Variants in PTPRD observed in about 807,000 individuals in gnomAD.
The protein encoded by PTPRD is protein tyrosine phosphatase receptor type D, also known as receptor-type tyrosine-protein phosphatase delta.
In PTPRD, 34 loss-of-function variants were observed where a neutral mutation model predicts 214.5. That is an observed-to-expected ratio of 0.16 (90% CI 0.12 to 0.21). PTPRD has a LOEUF of 0.21. PTPRD is among the 10% of genes least tolerant of loss of function. The pLI, the probability that PTPRD is intolerant of heterozygous loss-of-function variation, is 1.00. For synonymous variants in PTPRD, 1,128 were observed against 845.7 expected (o/e 1.33, Z -5.79); for missense variants, 2,545 against 2,398.7 (o/e 1.06, Z -1.27).
chr9:8,628,910 A>T (rs538885404), intron 14 of PTPRD, among the ~76,000 whole-genome samples: 1 of 151,994 alleles, frequency 6.6e-6, no homozygotes, highest in Non-Finnish European at 1.5e-5. Context: ...GATATGTTCT[A>T]TGAACAAAGC....
intron 3 of PTPRD, among the ~76,000 whole-genome samples, chr9:10,304,314 T>C (rs1291137058): frequency 6.6e-6 from 1 of 152,098 alleles, no homozygotes; most frequent in Non-Finnish European, 1.5e-5. Context: ...TCATACAGAA[T>C]GGGGAAAAAC....
chr9:8,976,150 T>A (rs1294090275), intron 11 of PTPRD, among the ~76,000 whole-genome samples: 1 of 152,098 alleles, frequency 6.6e-6, no homozygotes, highest in Non-Finnish European at 1.5e-5. Flanking sequence ...TCCCTTCTTT[T>A]TCTGCACCCT....
In PTPRD at chr9:8,895,865, T is replaced by C. The variant is rs561231706; in HGVS notation, c.-104+122832A>G. ...ATACATTTCACATTAAAGTTGGGCA[T>C]TTCTCTTCAGAGAGAAGTTGAGCCG... On this transcript the variant is annotated intron_variant, in intron 11 of 45. Transcript: ENST00000381196. Among the ~76,000 whole-genome samples, 3 of 152,332 alleles carry C rather than the reference T, an allele frequency of 2.0e-5. No individual in the cohort carries two copies. In the South Asian group the frequency reaches 6.2e-4, roughly 32 times the overall value.
At chr9:10,541,020 T>C (rs1263116822) in intron 2 of PTPRD, among the ~76,000 whole-genome samples, 1 of 152,038 alleles carries the variant, frequency 6.6e-6, no homozygotes. Flanking sequence ...TTGAATCAAG[T>C]AAAAAAAGAA....
At chr9:9,631,192 C>CATAAATAAATAAATAA (rs140642091) in intron 7 of PTPRD, among the ~76,000 whole-genome samples, 34 of 139,560 alleles carry the variant, frequency 2.4e-4, no homozygotes, top group African/African-American at 8.4e-4. Context: ...GTATCTCATT[C>CATAAATAAATAAATAA]ATAAATAAAT....
At position 9,235,636 on chromosome 9, in the gene PTPRD, C is replaced by G. The variant is rs149665387; in HGVS notation, c.-202-52273G>C. On this transcript the variant is annotated intron_variant, in intron 9 of 45. Transcript: ENST00000381196. ...TAAGGGACACCTGAGACACCTGACT[C>G]ACTTTGGAACATACTGGTGTTATTC... Among the ~76,000 whole-genome samples the G allele has an allele frequency of 4.6e-3, 705 of 152,248 alleles. 3 individuals are homozygous for G. Among genetic ancestry groups the G allele is most frequent in the South Asian group, 5.6e-3 (27 of 4,820 alleles).
At chr9:10,548,844 C>A (rs2130981429) in intron 2 of PTPRD, among the ~76,000 whole-genome samples, 1 of 152,272 alleles carries the variant, frequency 6.6e-6, no homozygotes, top group South Asian at 2.1e-4. Flanking sequence ...GGGAAAGAAG[C>A]ACAGTATCTC....
chr9:8,467,665 C>A (rs186645462), intron 31 of PTPRD, among the ~76,000 whole-genome samples: 1 of 151,784 alleles, frequency 6.6e-6, no homozygotes, highest in East Asian at 1.9e-4. Flanking sequence ...TGTTTAAGCT[C>A]TGATACTCTA....
At chr9:9,234,264 T>C (rs4389999) in intron 9 of PTPRD, among the ~76,000 whole-genome samples, 17,423 of 152,226 alleles carry the variant, frequency 0.11, 1,248 homozygotes, top group Non-Finnish European at 0.15. Context: ...TCCCATGCTA[T>C]ACCTTGGCCC....
Position 8,352,610 on chromosome 9 carries a change from A to T in PTPRD, c.4662-10632T>A, listed in dbSNP as rs147407600. 2.4e-3 allele frequency among the ~76,000 whole-genome samples: 362 copies of T among 152,316 alleles called. 5 individuals are homozygous for T. Among genetic ancestry groups the T allele is most frequent in the Non-Finnish European group, 6.6e-4 (45 of 68,030 alleles). On this transcript the variant is annotated intron_variant, in intron 39 of 45. Transcript: ENST00000381196. The stretch of plus-strand genomic sequence containing the variant: ...ACAACGTGTGCAACCTGCTCAGTCC[A>T]CACAGCAGGCTTGTCATTAGAAATA...
At chr9:9,612,431 A>G (rs1183147864) in intron 7 of PTPRD, among the ~76,000 whole-genome samples, 1 of 152,194 alleles carries the variant, frequency 6.6e-6, no homozygotes, top group Admixed American at 6.5e-5. Flanking sequence ...CAACTGTGAT[A>G]GGCTCCATCT....
At chr9:9,716,460 A>G (rs949101278) in intron 7 of PTPRD, among the ~76,000 whole-genome samples, 4 of 151,986 alleles carry the variant, frequency 2.6e-5, no homozygotes, top group Non-Finnish European at 5.9e-5. Flanking sequence ...ACTAGTTTAC[A>G]GTCCCACCAA....
At chr9:9,334,327 G>C (rs2043554105) in intron 9 of PTPRD, among the ~76,000 whole-genome samples, 1 of 151,952 alleles carries the variant, frequency 6.6e-6, no homozygotes, top group African/African-American at 2.4e-5. Flanking sequence ...TTTATGTCTA[G>C]GTGAAAGTGA....
intron 8 of PTPRD, among the ~76,000 whole-genome samples, chr9:9,545,068 A>G (rs1296740304): frequency 1.3e-5 from 2 of 151,738 alleles, no homozygotes; most frequent in Non-Finnish European, 3.0e-5. Context: ...CCACATATGG[A>G]TAAGGTTGCC....
chr9:10,129,619 T>G (rs1215385976), intron 3 of PTPRD, among the ~76,000 whole-genome samples: 1 of 151,752 alleles, frequency 6.6e-6, no homozygotes, highest in Non-Finnish European at 1.5e-5. Context: ...GACAACCAGG[T>G]CTGAACCTCT....
At chr9:10,264,378 G>A (rs932771418) in intron 3 of PTPRD, among the ~76,000 whole-genome samples, 1 of 152,138 alleles carries the variant, frequency 6.6e-6, no homozygotes, top group African/African-American at 2.4e-5. Flanking sequence ...ACAGCCACAG[G>A]GTTGGAGCTG....
chr9:10,500,257 C>T (rs923137709), intron 2 of PTPRD, among the ~76,000 whole-genome samples: 1 of 151,658 alleles, frequency 6.6e-6, no homozygotes, highest in Non-Finnish European at 1.5e-5. Context: ...ATGGCCTATC[C>T]CTGAAACTAT....
intron 9 of PTPRD, among the ~76,000 whole-genome samples, chr9:9,268,952 G>A (rs907635228): frequency 2.7e-5 from 4 of 149,840 alleles, no homozygotes; most frequent in East Asian, 2.0e-4. Context: ...TCTGGGCAAC[G>A]ATTTTCTGGA....
chr9:8,713,549 T>C, intron 12 of PTPRD: 2 of 1,342,880 alleles, frequency 1.5e-6, no homozygotes, highest in Non-Finnish European at 2.1e-6. Flanking sequence ...AACTTCGGGA[T>C]CTGGCTGCGC....
Sources: gnomAD v4.1 joint callset for allele counts (sites outside exome capture counted in the v4.1 genomes callset) on GRCh38, gnomAD v4.1.1 for gene constraint, MANE v1.5 for transcripts, NCBI Gene and HGNC (gene_info 2026-07-23, HGNC 2026-07-21) for gene names.